The following VPS50 variants were observed in gnomAD, a reference collection of about 807,000 sequenced individuals.
VPS50 encodes VPS50 subunit of EARP/GARPII complex, also known as syndetin.
A neutral mutation model predicts 139.7 loss-of-function variants in VPS50; 70 were observed. That is an observed-to-expected ratio of 0.50 (90% CI 0.41 to 0.61). VPS50 has a LOEUF of 0.61. Among genes scored for constraint, VPS50 ranks in the 20% least tolerant of loss-of-function variants. The probability of loss-of-function intolerance (pLI) is 0.00; values close to 1 mark genes in which losing one functional copy is unlikely to be tolerated. For missense variants in VPS50, 921 were observed against 1,133.7 expected, an observed-to-expected ratio of 0.81 and a Z score of 2.69; for synonymous variants, 365 against 376.7, an observed-to-expected ratio of 0.97 and a Z score of 0.36.
intron 27 of VPS50, among the ~76,000 whole-genome samples, chr7:93,357,655 A>G (rs1359493525): frequency 6.6e-6 from 1 of 152,110 alleles, no homozygotes; most frequent in East Asian, 1.9e-4. Flanking sequence ...GTCTTTCCCT[A>G]TCTGAACTCT....
At chr7:93,344,157 A>G (rs1798313926) in intron 23 of VPS50, among the ~76,000 whole-genome samples, 1 of 152,144 alleles carries the variant, frequency 6.6e-6, no homozygotes, top group African/African-American at 2.4e-5. Flanking sequence ...AATCGAAAAC[A>G]AAAAAAGGCA....
chr7:93,243,746 G>A lies in VPS50; in HGVS notation c.102+3812G>A, dbSNP rs147142996. Among the ~76,000 whole-genome samples the A allele has an allele frequency of 3.0e-3, 450 of 151,956 alleles. 1 individual carries two copies. Among genetic ancestry groups the A allele is most frequent in the Admixed American group, 6.6e-3 (101 of 15,232 alleles). On this transcript the variant is annotated intron_variant, in intron 2 of 27. Coordinates refer to ENST00000305866, the MANE Select transcript of VPS50 (RefSeq NM_017667.4). ...TAATATATGATAGTAGAGCCACAAC[G>A]TTATTAGTTATAGAACTTATTTGGA...
chr7:93,355,186 A>C (rs903732897), intron 26 of VPS50, among the ~76,000 whole-genome samples: 5 of 150,916 alleles, frequency 3.3e-5, no homozygotes, highest in African/African-American at 1.2e-4. Context: ...AACTTTCCTT[A>C]AGGTAAGTAC....
chr7:93,350,149 G>T (rs775932761), intron 25 of VPS50, 116 bp downstream of exon 25: 30 of 607,626 alleles, frequency 4.9e-5, no homozygotes, highest in Admixed American at 3.4e-4. Flanking sequence ...CTAGCATTGT[G>T]GTATTAAAGC....
chr7:93,290,432 T>G (rs961095082), intron 12 of VPS50, among the ~76,000 whole-genome samples: 19 of 151,646 alleles, frequency 1.3e-4, no homozygotes, highest in Admixed American at 3.9e-4. Context: ...TTTTTTTTTT[T>G]TGTGACCACA....
In VPS50 at chr7:93,350,025, C is replaced by G; in HGVS notation, c.2455C>G (p.Leu819Val). ...ACAGCACAACATATATGTAGATGCA[C>G]TATTAAAGGCAAGTGTTCTGGGAAG... ...MSQHNIYVDALLKEFEQFNRR... is the reference protein window; with the variant it reads ...MSQHNIYVDAVLKEFEQFNRR... Residue 819 changes from leucine to valine, a missense_variant, in exon 25 of 28, where the codon CTA becomes GTA. This residue lies in a region of VPS50 where 19 missense variants were observed against 46.8 expected (regional missense o/e 0.41). Transcript: ENST00000305866. The G allele has an allele frequency of 1.2e-6, 2 of 1,610,684 alleles. No homozygotes were observed. Among genetic ancestry groups the G allele is most frequent in the Non-Finnish European group, 1.7e-6 (2 of 1,178,014 alleles).
chr7:93,302,454 T>C (rs950316097), intron 16 of VPS50, among the ~76,000 whole-genome samples: 2 of 152,038 alleles, frequency 1.3e-5, no homozygotes, highest in African/African-American at 2.4e-5. Context: ...GTTTTACTTA[T>C]CCAATCATTT....
chr7:93,311,040 T>C, intron 19 of VPS50, 126 bp from the exon 20 acceptor site: 2 of 645,488 alleles, frequency 3.1e-6, no homozygotes, highest in South Asian at 1.8e-5. Flanking sequence ...TTTCTATATC[T>C]TTACCTAATG....
intron 9 of VPS50, among the ~76,000 whole-genome samples, chr7:93,267,377 C>A (rs1377231013): frequency 2.0e-5 from 3 of 152,186 alleles, no homozygotes; most frequent in African/African-American, 7.2e-5. Context: ...TCTTCTAAAA[C>A]ATTCTCTTCC....
chr7:93,290,744 T>A (rs771763724), intron 12 of VPS50, among the ~76,000 whole-genome samples: 6 of 152,040 alleles, frequency 3.9e-5, no homozygotes, highest in Non-Finnish European at 8.8e-5. Context: ...TAAGCTAGTA[T>A]TTTTATTACT....
At chr7:93,349,568 G>T (rs1004359882) in intron 24 of VPS50, among the ~76,000 whole-genome samples, 1 of 152,198 alleles carries the variant, frequency 6.6e-6, no homozygotes, top group South Asian at 2.1e-4. Context: ...ACATCATGTA[G>T]TGGGAGTGGA....
At chr7:93,253,479 A>G (rs149784877) in intron 3 of VPS50, among the ~76,000 whole-genome samples, 68 of 152,350 alleles carry the variant, frequency 4.5e-4, no homozygotes, top group African/African-American at 1.5e-3. Flanking sequence ...ACAAATAGAG[A>G]TATATCTGTG....
rs753547704 is a variant in VPS50 at position 93,358,429 on chromosome 7, A to G, written c.2888A>G (p.Lys963Arg). 6.2e-7 allele frequency: 1 copy of G among 1,611,132 alleles called. No individual in the cohort carries two copies. The highest frequency in any genetic ancestry group is 1.1e-5 in the South Asian group (1 of 90,876). Residue 963 changes from lysine to arginine, a missense_variant, in exon 28 of 28, where the codon AAA becomes AGA. By Grantham distance (26) the Lys-to-Arg change is conservative. Coordinates refer to ENST00000305866, the MANE Select transcript of VPS50 (RefSeq NM_017667.4). Reference sequence around the variant, plus strand: ...GCTATAGATGATATAGACAGACCTAAAAGATAATGAACACAGCTCTCTTTC... The same window carrying G: ...GCTATAGATGATATAGACAGACCTAGAAGATAATGAACACAGCTCTCTTTC... ...LAAIDDIDRP[K>R]R
intron 2 of VPS50, among the ~76,000 whole-genome samples, chr7:93,241,512 A>G (rs1328882393): frequency 6.6e-6 from 1 of 152,134 alleles, no homozygotes. Flanking sequence ...ATAAGCTTAC[A>G]TTTAACCTTA....
intron 25 of VPS50, 22 bp from the exon 26 acceptor site, chr7:93,353,618 A>T (rs1200763886): frequency 1.9e-6 from 3 of 1,601,428 alleles, no homozygotes; most frequent in Admixed American, 1.8e-5. Flanking sequence ...ATTCACAAAC[A>T]GCTACCTATT....
At chr7:93,334,343 G>A (rs1179090488) in intron 22 of VPS50, 146 bp downstream of exon 22, 4 of 579,382 alleles carry the variant, frequency 6.9e-6, no homozygotes, top group Middle Eastern at 4.7e-4. Flanking sequence ...TAAAACAGAG[G>A]TTGCTTATAG....
chr7:93,259,234 C>T (rs1460727337), intron 8 of VPS50, among the ~76,000 whole-genome samples: 1 of 151,776 alleles, frequency 6.6e-6, no homozygotes, highest in Non-Finnish European at 1.5e-5. Flanking sequence ...GATATGTTAA[C>T]AGTTAAAGAA....
chr7:93,321,663 T>A (rs941055207), intron 20 of VPS50, among the ~76,000 whole-genome samples: 2 of 152,238 alleles, frequency 1.3e-5, no homozygotes, highest in Non-Finnish European at 2.9e-5. Flanking sequence ...TATTTTTTTC[T>A]TCTGAATACA....
rs529538935 is a variant in VPS50 at position 93,328,458 on chromosome 7, A to G, written c.1977+4726A>G. ...TATCTATATATTTAAAAAATGAATTAACTTCCAATTCCGGGTATGACAGAC... is the reference window on the plus strand; with the variant it reads ...TATCTATATATTTAAAAAATGAATTGACTTCCAATTCCGGGTATGACAGAC... On this transcript the variant is annotated intron_variant, in intron 21 of 27. Coordinates refer to ENST00000305866, the MANE Select transcript of VPS50 (RefSeq NM_017667.4). Among the ~76,000 whole-genome samples the G allele has an allele frequency of 2.6e-5, 4 of 152,278 alleles. No individual in the cohort carries two copies. In the South Asian group the frequency reaches 8.3e-4, roughly 32 times the overall value.
Sources: allele counts gnomAD v4.1 joint callset (sites outside exome capture counted in the v4.1 genomes callset), GRCh38; gene constraint gnomAD v4.1.1; regional missense constraint gnomAD v4.1.1; transcripts MANE v1.5; gene names NCBI Gene and HGNC (gene_info 2026-07-23, HGNC 2026-07-21).